The following FUNDC2 variants were observed in gnomAD, a reference collection of about 807,000 sequenced individuals.
FUNDC2 encodes the protein FUN14 domain containing 2, also known as FUN14 domain-containing protein 2.
In FUNDC2, 4 loss-of-function variants were observed where a neutral mutation model predicts 15.6. The observed-to-expected ratio is 0.26, with a 90% CI of 0.13 to 0.59. FUNDC2 has a LOEUF of 0.59. FUNDC2 is among the 20% of genes least tolerant of loss of function. The pLI is 0.90. For missense variants in FUNDC2, 98 were observed against 149.7 expected (o/e 0.65, Z 1.80); for synonymous variants, 44 against 56.9 (o/e 0.77, Z 1.02).
intron 1 of FUNDC2, chrX:155,033,104 C>T (rs782247840): frequency 1.3e-5 from 2 of 158,997 alleles, no homozygotes; most frequent in Admixed American, 7.4e-5. Context: ...ACCTCGGCCT[C>T]CCAAAGTGCT....
intron 2 of FUNDC2, among the ~76,000 whole-genome samples, chrX:155,043,350 G>A (rs1382988453): frequency 8.9e-6 from 1 of 111,950 alleles, no homozygotes; most frequent in Non-Finnish European, 1.9e-5. Context: ...TAATGCTTTT[G>A]TCTACTAATT....
chrX:155,030,922 G>A (rs1260005524), intron 1 of FUNDC2, among the ~76,000 whole-genome samples: 2 of 110,481 alleles, frequency 1.8e-5, no homozygotes, highest in Non-Finnish European at 3.8e-5. Flanking sequence ...CCTGACCTCA[G>A]GTGATCCACC....
rs2073894629 is a variant in FUNDC2, at chrX:155,056,087, A to G, written c.*1415A>G. On this transcript the variant is annotated 3_prime_UTR_variant, in exon 5 of 5. Coordinates refer to ENST00000369498, the MANE Select transcript of FUNDC2 (RefSeq NM_023934.4). ...AATATGTATGAATCATCTCAAAACC[A>G]TAATGGTATGAGCCTCTTTGCTGCA... is the stretch of plus-strand genomic sequence containing the variant. 1.8e-5 allele frequency: 2 copies of G among 112,088 alleles called. No individual in the cohort carries two copies. The highest frequency in any genetic ancestry group is 3.2e-5 in the African/African-American group (1 of 30,858). 9.2% of individuals were successfully genotyped at this position (112,088 alleles called of 1,213,427 possible).
rs368875957 is a variant in FUNDC2 at position 155,055,443 on chromosome X, ATT to A, written c.*781_*782del. ...ATAACTCCTCTGTGCCACTTCTACT[ATT>A]TTTTTTTTTAATCTAGTTAGTATGA... On this transcript the variant is annotated 3_prime_UTR_variant, in exon 5 of 5. Transcript: ENST00000369498. 1 of 238,487 alleles carries A rather than the reference ATT, an allele frequency of 4.2e-6. No homozygotes were observed. The allele number at this position is 238,487 out of a possible 1,213,427, so 19.7% of individuals were successfully genotyped here. A position where few individuals can be genotyped will look rare whatever the true frequency, so the allele number is the denominator to read the frequency against.
chrX:155,053,048 T>C (rs1327061581), intron 4 of FUNDC2, among the ~76,000 whole-genome samples: 1 of 111,788 alleles, frequency 8.9e-6, no homozygotes, highest in East Asian at 2.8e-4. Flanking sequence ...TTTAAATTTT[T>C]TGGAGAGACA....
At chrX:155,053,889 G>A (rs1557290657) in intron 4 of FUNDC2, 1 of 750,433 alleles carries the variant, frequency 1.3e-6, no homozygotes, top group East Asian at 1.5e-4. Context: ...GAAATTGGAA[G>A]GGTGGGGAGT....
chrX:155,043,896 A>T lies in FUNDC2; in HGVS notation c.285-2613A>T, dbSNP rs782338001. Among the ~76,000 whole-genome samples, 3 of 112,303 alleles carry T rather than the reference A, an allele frequency of 2.7e-5. No homozygotes were observed. The South Asian group carries it at 1.1e-3, about 42-fold the overall frequency. On this transcript the variant is annotated intron_variant, in intron 2 of 4. Transcript: ENST00000369498. Reference sequence around the variant, plus strand: ...TGTTGTATTTGTAATTCTTTCTCTTACTGAGCTGAAATGTAATAAGGGGAG... The same window carrying T: ...TGTTGTATTTGTAATTCTTTCTCTTTCTGAGCTGAAATGTAATAAGGGGAG...
chrX:155,029,501 C>A lies in FUNDC2; in HGVS notation c.133+2430C>A, dbSNP rs2073807446. ...GGGCGTGGTGGCTCACTCCTGTAATCCCAGCACTTTGGGAGGCTGAGGCAG... is the reference window on the plus strand; with the variant it reads ...GGGCGTGGTGGCTCACTCCTGTAATACCAGCACTTTGGGAGGCTGAGGCAG... On this transcript the variant is annotated intron_variant, in intron 1 of 4. Transcript: ENST00000369498. Among the ~76,000 whole-genome samples, 2 of 111,018 alleles carry A rather than the reference C, an allele frequency of 1.8e-5. 1 individual carries two copies. Among genetic ancestry groups the A allele is most frequent in the African/African-American group, 6.6e-5 (2 of 30,471 alleles).
In FUNDC2 at chrX:155,056,286, A is replaced by T. The variant is rs2073895908; in HGVS notation, c.*1614A>T. ...CCAGTTATTGTGAAACAAATATCAAAATGTCATTTTATCATATTTCAGTAT... is the reference window on the plus strand; with the variant it reads ...CCAGTTATTGTGAAACAAATATCAATATGTCATTTTATCATATTTCAGTAT... On this transcript the variant is annotated 3_prime_UTR_variant, in exon 5 of 5. Coordinates refer to ENST00000369498, the MANE Select transcript of FUNDC2 (RefSeq NM_023934.4). The T allele has an allele frequency of 8.9e-6, 1 of 111,954 alleles. No individual in the cohort carries two copies. Among genetic ancestry groups the T allele is most frequent in the Non-Finnish European group, 1.9e-5 (1 of 53,231 alleles). 9.2% of individuals were successfully genotyped at this position (111,954 alleles called of 1,213,427 possible).
chrX:155,035,727 G>A (rs782383810), intron 2 of FUNDC2, among the ~76,000 whole-genome samples: 1 of 112,401 alleles, frequency 8.9e-6, no homozygotes, highest in Non-Finnish European at 1.9e-5. Context: ...CTGTTGCCCA[G>A]ACTGGAGTGC....
chrX:155,032,197 A>G (rs1176892468), intron 1 of FUNDC2, among the ~76,000 whole-genome samples: 3 of 109,934 alleles, frequency 2.7e-5, no homozygotes, highest in African/African-American at 9.9e-5. Context: ...GCTGGCCTCA[A>G]ACTCCTGACC....
intron 3 of FUNDC2, chrX:155,049,072 G>A (rs1468188800): frequency 8.8e-6 from 1 of 112,998 alleles, no homozygotes; most frequent in Non-Finnish European, 1.9e-5. Context: ...TTCTTACCAA[G>A]CTGTAGATCA....
rs782188865 is a variant in FUNDC2, at chrX:155,057,174, G to A, written c.*2502G>A. Reference sequence around the variant, plus strand: ...TTGTTTTCAGTTTAGCTGAACCATCGGTGAAGGAGGCTCAGGCATTTGGGG... The same window carrying A: ...TTGTTTTCAGTTTAGCTGAACCATCAGTGAAGGAGGCTCAGGCATTTGGGG... On this transcript the variant is annotated 3_prime_UTR_variant, in exon 5 of 5. Coordinates refer to ENST00000369498, the MANE Select transcript of FUNDC2 (RefSeq NM_023934.4). 9.0e-6 allele frequency: 1 copy of A among 111,575 alleles called. No individual in the cohort carries two copies. Among genetic ancestry groups the A allele is most frequent in the South Asian group, 3.7e-4 (1 of 2,706 alleles). 9.2% of individuals were successfully genotyped at this position (111,575 alleles called of 1,213,427 possible). A position where few individuals can be genotyped will look rare whatever the true frequency, so the allele number is the denominator to read the frequency against.
intron 1 of FUNDC2, 78 bp downstream of exon 1, chrX:155,027,149 C>G (rs1349510778): frequency 3.1e-6 from 3 of 977,696 alleles, no homozygotes; most frequent in African/African-American, 2.1e-5. Flanking sequence ...GCTCCGCGCC[C>G]GCCAGTCGCG....
intron 2 of FUNDC2, among the ~76,000 whole-genome samples, chrX:155,034,067 A>G (rs2073823884): frequency 1.8e-5 from 2 of 112,852 alleles, no homozygotes; most frequent in Admixed American, 9.3e-5. Context: ...TATAGCAAAT[A>G]TAGAACAGCA....
rs1226316915 is a variant in FUNDC2, at chrX:155,029,057, A to G, written c.133+1986A>G. Among the ~76,000 whole-genome samples, 3 of 111,440 alleles carry G rather than the reference A, an allele frequency of 2.7e-5. No homozygotes were observed. The Admixed American group carries it at 2.8e-4, about 11-fold the overall frequency. ...CTATATTCCCTCTTCATGAATCTGG[A>G]TGGGAGTTTGTGACTGACTGCCTGT... On this transcript the variant is annotated intron_variant, in intron 1 of 4. Transcript: ENST00000369498.
intron 2 of FUNDC2, among the ~76,000 whole-genome samples, chrX:155,035,070 TATCA>T (rs1233170156): frequency 2.7e-5 from 3 of 112,274 alleles, no homozygotes; most frequent in East Asian, 5.5e-4. Context: ...TAGTCAATTT[TATCA>T]ATCTTAACCT....
chrX:155,042,175 CTTTTTTTTTTTT>C (rs1175079092), intron 2 of FUNDC2, among the ~76,000 whole-genome samples: 11 of 39,200 alleles, frequency 2.8e-4, no homozygotes, highest in Middle Eastern at 0.018. Flanking sequence ...CTTTTTCTAT[CTTTTTTTTTTTT>C]TTTTTTTTTT....
chrX:155,050,815 A>T (rs782732947), intron 3 of FUNDC2: 1 of 112,187 alleles, frequency 8.9e-6, no homozygotes, highest in South Asian at 3.7e-4. Flanking sequence ...TTTTTTGAGT[A>T]TCAATGTTTT....
Sources: allele counts gnomAD v4.1 joint callset (sites outside exome capture counted in the v4.1 genomes callset), GRCh38; gene constraint gnomAD v4.1.1; transcripts MANE v1.5; gene names NCBI Gene and HGNC (gene_info 2026-07-23, HGNC 2026-07-21).